PTK2: variants seen among roughly 807,000 people sequenced by gnomAD.
PTK2 encodes focal adhesion kinase 1.
PTK2 carries 45 observed loss-of-function variants against 150.1 expected under a neutral mutation model. The observed-to-expected ratio is 0.30, with a 90% CI of 0.24 to 0.38. PTK2 has a LOEUF of 0.38. PTK2 is among the 10% of genes least tolerant of loss of function. The pLI is 1.00. For synonymous variants in PTK2, 432 were observed against 449.2 expected (o/e 0.96, Z 0.48); for missense variants, 919 against 1,307.3 (o/e 0.70, Z 4.58).
intron 5 of PTK2, among the ~76,000 whole-genome samples, chr8:140,859,899 C>A (rs1401958549): frequency 6.6e-6 from 1 of 152,060 alleles, no homozygotes; most frequent in Non-Finnish European, 1.5e-5. Flanking sequence ...TCTGGAATTG[C>A]GAAGCATGTA....
intron 10 of PTK2, 103 bp from the exon 11 acceptor site, chr8:140,803,753 C>A: frequency 9.4e-7 from 1 of 1,061,318 alleles, no homozygotes; most frequent in African/African-American, 1.6e-5. Flanking sequence ...AGACATCCTC[C>A]CTAAGACTGG....
chr8:140,740,863 C>G (rs774176761), intron 20 of PTK2, among the ~76,000 whole-genome samples: 2 of 152,214 alleles, frequency 1.3e-5, no homozygotes, highest in Non-Finnish European at 2.9e-5. Context: ...TGACAGGTAG[C>G]TGGGCACAGT....
intron 1 of PTK2, among the ~76,000 whole-genome samples, chr8:140,936,418 C>T (rs1340254962): frequency 1.3e-5 from 2 of 152,066 alleles, no homozygotes; most frequent in Non-Finnish European, 2.9e-5. Flanking sequence ...GGAGGAGGGG[C>T]CACTATAATA....
intron 14 of PTK2, among the ~76,000 whole-genome samples, chr8:140,768,734 G>A (rs1246100061): frequency 6.6e-6 from 1 of 152,190 alleles, no homozygotes; most frequent in Non-Finnish European, 1.5e-5. Context: ...AATTGCAGCT[G>A]CTAATTGATT....
intron 1 of PTK2, among the ~76,000 whole-genome samples, chr8:140,963,689 GA>G (rs2100184201): frequency 6.6e-6 from 1 of 152,194 alleles, no homozygotes; most frequent in Non-Finnish European, 1.5e-5. Context: ...AGGGATATTA[GA>G]AATTCTTTGC....
intron 22 of PTK2, among the ~76,000 whole-genome samples, chr8:140,731,903 A>G (rs550416412): frequency 6.6e-6 from 1 of 152,338 alleles, no homozygotes; most frequent in South Asian, 2.1e-4. Context: ...CCCCGCCTCA[A>G]CAAAATAAAA....
chr8:140,868,316 G>C (rs115764554), intron 4 of PTK2, among the ~76,000 whole-genome samples: 1 of 152,134 alleles, frequency 6.6e-6, no homozygotes, highest in East Asian at 1.9e-4. Context: ...AATGTGGTGT[G>C]AACAGTCTGT....
chr8:140,683,986 C>G (rs2100018422), intron 27 of PTK2, among the ~76,000 whole-genome samples: 1 of 152,148 alleles, frequency 6.6e-6, no homozygotes, highest in African/African-American at 2.4e-5. Context: ...ATCTATTCAA[C>G]ATTAGTGCTG....
chr8:140,864,374 G>A, exon 5 of PTK2: 2 of 1,590,904 alleles, frequency 1.3e-6, no homozygotes, highest in Admixed American at 1.8e-5. Flanking sequence ...AATCCTTTTG[G>A]CAAATAACGA....
chr8:140,971,153 A>G (rs1447136636), intron 1 of PTK2, among the ~76,000 whole-genome samples: 3 of 152,222 alleles, frequency 2.0e-5, no homozygotes, highest in African/African-American at 7.2e-5. Flanking sequence ...CTGAGAAAAC[A>G]CTAATTTAGT....
chr8:140,962,853 A>AACTT (rs1010287687), intron 1 of PTK2, among the ~76,000 whole-genome samples: 3 of 150,674 alleles, frequency 2.0e-5, no homozygotes, highest in African/African-American at 7.3e-5. Context: ...CAATCCTACA[A>AACTT]ACTTCCTGGC....
intron 2 of PTK2, among the ~76,000 whole-genome samples, chr8:140,906,639 G>A (rs1459464661): frequency 6.6e-6 from 1 of 152,130 alleles, no homozygotes; most frequent in African/African-American, 2.4e-5. Context: ...ATAGAGTAGA[G>A]TGGTGGTTAC....
At chr8:140,812,415 A>T (rs1273009891) in intron 10 of PTK2, among the ~76,000 whole-genome samples, 1 of 152,238 alleles carries the variant, frequency 6.6e-6, no homozygotes, top group Non-Finnish European at 1.5e-5. Flanking sequence ...TAAATATGGA[A>T]AGGAAAGACC....
At chr8:140,683,741 TA>T in intron 27 of PTK2, among the ~76,000 whole-genome samples, 1 of 129,346 alleles carries the variant, frequency 7.7e-6, no homozygotes, top group African/African-American at 3.0e-5. Flanking sequence ...TAAACAGAAC[TA>T]AAAAAAACTA....
At chr8:140,927,975 A>AAAAAAAAAAAAATATATATAT in intron 1 of PTK2, among the ~76,000 whole-genome samples, 2 of 48,196 alleles carry the variant, frequency 4.1e-5, no homozygotes, top group Non-Finnish European at 6.8e-5. Flanking sequence ...AAAAAAAAAA[A>AAAAAAAAAAAAATATATATAT]ATATATATAT....
chr8:140,849,059 T>G (rs1476854091), intron 5 of PTK2, among the ~76,000 whole-genome samples: 2 of 152,206 alleles, frequency 1.3e-5, no homozygotes, highest in East Asian at 3.8e-4. Flanking sequence ...TAATCTTCAT[T>G]TAAAAAATCT....
intron 2 of PTK2, among the ~76,000 whole-genome samples, chr8:140,906,034 T>C (rs1204165672): frequency 6.6e-6 from 1 of 150,708 alleles, no homozygotes; most frequent in African/African-American, 2.4e-5. Context: ...GGATAAATAA[T>C]CCTGTTTTAA....
chr8:140,763,232 G>A (rs1411730235), intron 15 of PTK2, among the ~76,000 whole-genome samples: 1 of 152,212 alleles, frequency 6.6e-6, no homozygotes, highest in Non-Finnish European at 1.5e-5. Context: ...ACACTTGAAA[G>A]GCAACACTGG....
rs149065728 is a variant in PTK2 at position 140,668,348 on chromosome 8, G to A, written c.2786C>T (p.Thr929Met). ...CTCGATGACAGCTTTCACCAGGCCCGTCACATTCTCGTACACCTTATCATT... is the reference window on the plus strand; with the variant it reads ...CTCGATGACAGCTTTCACCAGGCCCATCACATTCTCGTACACCTTATCATT... Residue 929 changes from threonine (T) to methionine (M), a missense_variant, in exon 30 of 32, where the codon ACG becomes ATG. Coordinates refer to ENST00000522684, the Ensembl canonical transcript of PTK2. The A allele has an allele frequency of 1.9e-5, 30 of 1,614,070 alleles. No homozygotes were observed. The highest frequency in any genetic ancestry group is 8.9e-5 in the East Asian group (4 of 44,880).
Sources: gnomAD v4.1 joint callset for allele counts (sites outside exome capture counted in the v4.1 genomes callset) on GRCh38, gnomAD v4.1.1 for gene constraint, MANE v1.5 for transcripts, NCBI Gene and HGNC (gene_info 2026-07-23, HGNC 2026-07-21) for gene names.